ZNF618: variants seen among roughly 807,000 people sequenced by gnomAD.
The protein encoded by ZNF618 is zinc finger protein 618.
A neutral mutation model predicts 103.0 loss-of-function variants in ZNF618; 34 were observed. The observed-to-expected ratio is 0.33, with a 90% CI of 0.25 to 0.44. The LOEUF (loss-of-function observed/expected upper bound fraction) is 0.44, where lower values mean the gene tolerates loss of function less well. Ranked by LOEUF, ZNF618 falls within the 20% of genes least tolerant of loss-of-function variation. The pLI, the probability that ZNF618 is intolerant of heterozygous loss-of-function variation, is 1.00. For synonymous variants in ZNF618, 551 were observed against 542.2 expected, an observed-to-expected ratio of 1.02 and a Z score of -0.23; for missense variants, 1,059 against 1,295.4, an observed-to-expected ratio of 0.82 and a Z score of 2.80.
intron 1 of ZNF618, among the ~76,000 whole-genome samples, chr9:113,888,192 C>T (rs1829254616): frequency 6.6e-6 from 1 of 152,206 alleles, no homozygotes. Flanking sequence ...TCTTACCATT[C>T]CCGTTGTACA....
intron 1 of ZNF618, among the ~76,000 whole-genome samples, chr9:113,895,168 G>A (rs1326376582): frequency 2.6e-5 from 4 of 151,714 alleles, no homozygotes; most frequent in East Asian, 1.9e-4. Flanking sequence ...TGAGTGATAC[G>A]ATAGAGGAGT....
chr9:114,023,022 C>A (rs1843203570), intron 10 of ZNF618, among the ~76,000 whole-genome samples: 1 of 151,854 alleles, frequency 6.6e-6, no homozygotes. Flanking sequence ...CTACCTTTAT[C>A]TTTGTATTTG....
rs976428840 is a variant in ZNF618, at chr9:114,051,795, A to G, written c.*1628A>G. On this transcript the variant is annotated 3_prime_UTR_variant, in exon 15 of 15. Coordinates refer to ENST00000374126, the MANE Select transcript of ZNF618 (RefSeq NM_001318042.2). ...CCCAGCTGTGAGCAAATTAGGTTCT[A>G]CACACACAGTTCGGATGCCAAGGGT... The G allele has an allele frequency of 2.0e-5, 3 of 152,300 alleles. No individual in the cohort carries two copies. Among genetic ancestry groups the G allele is most frequent in the Non-Finnish European group, 4.4e-5 (3 of 68,122 alleles). The allele number at this position is 152,300 out of a possible 1,614,324, so 9.4% of individuals were successfully genotyped here.
Position 113,968,585 on chromosome 9 carries a change from A to G in ZNF618, c.34-532A>G, listed in dbSNP as rs560272569. Among the ~76,000 whole-genome samples, 17 of 152,236 alleles carry G rather than the reference A, an allele frequency of 1.1e-4. No homozygotes were observed. In the East Asian group the frequency reaches 2.5e-3, roughly 22 times the overall value. On this transcript the variant is annotated intron_variant, in intron 1 of 14. Transcript: ENST00000374126. ...CCCCAGTCTCTGCATCTGAATCAGA[A>G]TTGTATGATTTCTGAAAATTTCATT...
At chr9:114,045,941 T>C (rs1442197528) in intron 13 of ZNF618, among the ~76,000 whole-genome samples, 1 of 152,084 alleles carries the variant, frequency 6.6e-6, no homozygotes, top group South Asian at 2.1e-4. Context: ...AGTGTTTAAT[T>C]CTTACACTTT....
chr9:113,889,844 G>A (rs1829458500), intron 1 of ZNF618, among the ~76,000 whole-genome samples: 1 of 152,196 alleles, frequency 6.6e-6, no homozygotes, highest in Admixed American at 6.5e-5. Context: ...TTGAGGACCT[G>A]TGTGCCAGGC....
intron 1 of ZNF618, among the ~76,000 whole-genome samples, chr9:113,900,709 C>T (rs1429039887): frequency 1.4e-5 from 2 of 145,974 alleles, no homozygotes; most frequent in Non-Finnish European, 3.0e-5. Flanking sequence ...GCACCGTCCT[C>T]TCCCGCAAAC....
chr9:114,039,340 GT>G (rs968810244), intron 13 of ZNF618, among the ~76,000 whole-genome samples: 2,882 of 104,758 alleles, frequency 0.028, 78 homozygotes, highest in African/African-American at 0.084. Context: ...TTTCTTGTTT[GT>G]TTTTTTTTTT....
In ZNF618 at chr9:114,053,660, T is replaced by C. The variant is rs895391675; in HGVS notation, c.*3493T>C. ...CCTCGGAGTGGAGTAGCCCAAGGAA[T>C]CTCAGGTCCACCAAGAGCATTGGTA... is the stretch of plus-strand genomic sequence containing the variant. On this transcript the variant is annotated 3_prime_UTR_variant, in exon 15 of 15. Coordinates refer to ENST00000374126, the MANE Select transcript of ZNF618 (RefSeq NM_001318042.2). 1 of 152,200 alleles carries C rather than the reference T, an allele frequency of 6.6e-6. No homozygotes were observed. Among genetic ancestry groups the C allele is most frequent in the East Asian group, 1.9e-4 (1 of 5,188 alleles). 9.4% of individuals were successfully genotyped at this position (152,200 alleles called of 1,614,324 possible). A position where few individuals can be genotyped will look rare whatever the true frequency, so the allele number is the denominator to read the frequency against.
rs141199467 is a variant in ZNF618 at position 113,997,160 on chromosome 9, T to G, written c.338-1099T>G. On this transcript the variant is annotated intron_variant, in intron 3 of 14. Transcript: ENST00000374126. ...TCTTACTCTGTTGCCCAGGCTGGAG[T>G]GCAGTGGCATAATCACAGCTCACTG... 1.7e-3 allele frequency among the ~76,000 whole-genome samples: 251 copies of G among 152,046 alleles called. 1 individual carries two copies. Among genetic ancestry groups the G allele is most frequent in the African/African-American group, 5.9e-3 (245 of 41,430 alleles).
intron 1 of ZNF618, among the ~76,000 whole-genome samples, chr9:113,898,312 C>A (rs1257338604): frequency 6.6e-6 from 1 of 152,054 alleles, no homozygotes; most frequent in Non-Finnish European, 1.5e-5. Flanking sequence ...CATTTTGTTT[C>A]CTTCGCCCTC....
At chr9:114,047,758 G>A (rs1289814588) in intron 13 of ZNF618, 135 bp from the exon 14 acceptor site, 1 of 653,578 alleles carries the variant, frequency 1.5e-6, no homozygotes, top group Non-Finnish European at 2.7e-6. Flanking sequence ...GTCTAAGGAG[G>A]AGCCAGGATT....
intron 13 of ZNF618, among the ~76,000 whole-genome samples, chr9:114,036,909 C>A (rs1844666445): frequency 1.3e-5 from 2 of 152,166 alleles, no homozygotes. Flanking sequence ...GCACAGATTT[C>A]TAGGCTCCAT....
chr9:113,880,751 T>C (rs1437371977), intron 1 of ZNF618, among the ~76,000 whole-genome samples: 24 of 152,214 alleles, frequency 1.6e-4, no homozygotes, highest in Admixed American at 9.8e-4. Context: ...GTATTTATAT[T>C]TGTGGATGTA....
chr9:114,010,368 C>A (rs529941381), intron 9 of ZNF618, among the ~76,000 whole-genome samples: 1 of 150,654 alleles, frequency 6.6e-6, no homozygotes, highest in Non-Finnish European at 1.5e-5. Flanking sequence ...AGAAGTTAGA[C>A]GGTACAGGGG....
At chr9:114,033,657 T>TG (rs1248207855) in intron 12 of ZNF618, among the ~76,000 whole-genome samples, 3 of 152,156 alleles carry the variant, frequency 2.0e-5, no homozygotes. Context: ...GGTGCCTGGC[T>TG]GGTCACCAGC....
At chr9:114,029,045 G>A in intron 11 of ZNF618, 73 bp downstream of exon 11, 2 of 1,496,584 alleles carry the variant, frequency 1.3e-6, no homozygotes, top group Non-Finnish European at 1.8e-6. Context: ...AGCTGTGCCT[G>A]GGGTTGTTGT....
At chr9:113,923,286 C>T (rs1832805666) in intron 1 of ZNF618, among the ~76,000 whole-genome samples, 1 of 151,796 alleles carries the variant, frequency 6.6e-6, no homozygotes, top group African/African-American at 2.4e-5. Flanking sequence ...CTTTTATTTC[C>T]TTTTCTTGTC....
At chr9:114,031,886 A>T (rs144936387) in intron 11 of ZNF618, among the ~76,000 whole-genome samples, 1 of 146,834 alleles carries the variant, frequency 6.8e-6, no homozygotes, top group Admixed American at 6.9e-5. Flanking sequence ...AGCTCGGATC[A>T]TCTGTTTCAA....
Sources: allele counts gnomAD v4.1 joint callset (sites outside exome capture counted in the v4.1 genomes callset), GRCh38; gene constraint gnomAD v4.1.1; transcripts MANE v1.5; gene names NCBI Gene and HGNC (gene_info 2026-07-23, HGNC 2026-07-21).